Variants in MAP3K15 observed in about 807,000 individuals in gnomAD.
MAP3K15 encodes mitogen-activated protein kinase kinase kinase 15, also known as MAPK/ERK kinase kinase 15.
Under a neutral mutation model 99.5 loss-of-function variants are expected in MAP3K15, and 124 were observed. That is an observed-to-expected ratio of 1.25 (90% CI 1.08 to 1.45). The LOEUF is 1.45. Among genes scored for constraint, MAP3K15 ranks in the 40% most tolerant of loss-of-function variants. The pLI is 0.00. For missense variants in MAP3K15, 1,242 were observed against 1,079.7 expected, an observed-to-expected ratio of 1.15 and a Z score of -2.11; for synonymous variants, 494 against 439.6, an observed-to-expected ratio of 1.12 and a Z score of -1.55.
At chrX:19,487,466 C>CT (rs768062093) in intron 2 of MAP3K15, among the ~76,000 whole-genome samples, 1 of 111,676 alleles carries the variant, frequency 9.0e-6, no homozygotes, top group East Asian at 2.8e-4. Flanking sequence ...TATTCCTAAG[C>CT]ATAGCTACCT....
chrX:19,420,976 TCAA>T (rs1569218899), intron 9 of MAP3K15, among the ~76,000 whole-genome samples: 1 of 111,220 alleles, frequency 9.0e-6, no homozygotes, highest in African/African-American at 3.3e-5. Flanking sequence ...TTGACAAAAT[TCAA>T]CAACGCTTCA....
At chrX:19,448,571 G>A (rs182226615) in intron 6 of MAP3K15, among the ~76,000 whole-genome samples, 29 of 108,380 alleles carry the variant, frequency 2.7e-4, no homozygotes, top group Middle Eastern at 4.8e-3. Flanking sequence ...CCCTGTCCCC[G>A]AAAAAAAATT....
chrX:19,422,593 A>G (rs936959470), intron 9 of MAP3K15, among the ~76,000 whole-genome samples: 3 of 111,796 alleles, frequency 2.7e-5, no homozygotes, highest in Non-Finnish European at 5.6e-5. Flanking sequence ...CTGTAAACTA[A>G]TTCAACCATT....
At chrX:19,449,517 T>C (rs2064023065) in intron 6 of MAP3K15, among the ~76,000 whole-genome samples, 1 of 108,761 alleles carries the variant, frequency 9.2e-6, no homozygotes, top group African/African-American at 3.3e-5. Context: ...GGTTGTTACA[T>C]TGGGTGAGGT....
At chrX:19,390,511 T>C (rs918510529) in intron 18 of MAP3K15, among the ~76,000 whole-genome samples, 15 of 103,334 alleles carry the variant, frequency 1.5e-4, no homozygotes, top group Middle Eastern at 4.8e-3. Flanking sequence ...ACATATATTA[T>C]ATATAATCAT....
At chrX:19,387,310 C>T (rs1297267860) in intron 18 of MAP3K15, among the ~76,000 whole-genome samples, 1 of 112,061 alleles carries the variant, frequency 8.9e-6, no homozygotes, top group African/African-American at 3.2e-5. Context: ...GCTGAAGCTG[C>T]TTGAACTCTG....
intron 13 of MAP3K15, among the ~76,000 whole-genome samples, chrX:19,406,919 T>A (rs1314499752): frequency 8.9e-6 from 1 of 111,910 alleles, no homozygotes; most frequent in Non-Finnish European, 1.9e-5. Context: ...CAGGCTGGTC[T>A]CAAACTCCTA....
intron 5 of MAP3K15, among the ~76,000 whole-genome samples, 187 bp from the exon 6 acceptor site, chrX:19,457,206 A>G (rs954905135): frequency 8.9e-6 from 1 of 111,947 alleles, no homozygotes; most frequent in Non-Finnish European, 1.9e-5. Context: ...GATGGATGAG[A>G]GAGAGAAGAA....
chrX:19,431,912 C>CATGTA (rs2063885910), intron 6 of MAP3K15, among the ~76,000 whole-genome samples: 2 of 107,437 alleles, frequency 1.9e-5, no homozygotes, highest in Non-Finnish European at 3.8e-5. Context: ...CCACTGTACT[C>CATGTA]CAGTCTGGGC....
intron 3 of MAP3K15, among the ~76,000 whole-genome samples, chrX:19,466,292 A>T (rs1467233205): frequency 2.7e-5 from 3 of 111,973 alleles, no homozygotes; most frequent in Admixed American, 9.5e-5. Flanking sequence ...TGATATGGTT[A>T]GGCTTTGTGT....
intron 6 of MAP3K15, among the ~76,000 whole-genome samples, chrX:19,447,859 G>A (rs1191239072): frequency 1.4e-5 from 1 of 72,176 alleles, no homozygotes; most frequent in African/African-American, 4.7e-5. Context: ...ACTCCAGCCT[G>A]GGCGACAGAG....
intron 9 of MAP3K15, among the ~76,000 whole-genome samples, chrX:19,419,170 T>A (rs1295414619): frequency 5.4e-5 from 6 of 111,699 alleles, no homozygotes; most frequent in Non-Finnish European, 1.1e-4. Context: ...AATGACAGAA[T>A]CAAATTCACA....
At position 19,373,708 on chromosome X, in the gene MAP3K15, AG is replaced by A; in HGVS notation, c.2774-14del. Reference sequence around the variant, plus strand: ...CCGCGGGGACCTTCTGTAGGGGGACAGCCAGACACCGAATGGGGAGACTCAG... The same window carrying A: ...CCGCGGGGACCTTCTGTAGGGGGACACCAGACACCGAATGGGGAGACTCAG... On this transcript the variant is annotated splice_polypyrimidine_tract_variant and intron_variant, in intron 20 of 28. Coordinates refer to ENST00000338883, the MANE Select transcript of MAP3K15 (RefSeq NM_001001671.4). 1 of 1,195,141 alleles carries A rather than the reference AG, an allele frequency of 8.4e-7. No individual in the cohort carries two copies. The highest frequency in any genetic ancestry group is 1.1e-6 in the Non-Finnish European group (1 of 892,507).
intron 1 of MAP3K15, among the ~76,000 whole-genome samples, chrX:19,506,307 T>C (rs2064476573): frequency 9.0e-6 from 1 of 111,156 alleles, no homozygotes; most frequent in Admixed American, 9.6e-5. Flanking sequence ...TGACCTCAAG[T>C]GATCCACCCA....
intron 24 of MAP3K15, among the ~76,000 whole-genome samples, chrX:19,369,944 G>A (rs2063362763): frequency 1.8e-5 from 2 of 110,621 alleles, no homozygotes; most frequent in Admixed American, 1.9e-4. Context: ...GAAATAAGTA[G>A]AGCCAGGCTG....
chrX:19,485,272 G>A (rs2064315178), intron 3 of MAP3K15, among the ~76,000 whole-genome samples: 1 of 80,246 alleles, frequency 1.2e-5, no homozygotes, highest in African/African-American at 5.2e-5. Context: ...TCACACCACT[G>A]CACTTCAGCC....
rs1230409748 is a variant in MAP3K15, at chrX:19,380,212, C to T, written c.2497G>A (p.Asp833Asn). ...QGPRGYGAPA[D>N]IWSLGCTIIE... ...ATGGTGCAGCCCAGGGACCAGATAT[C>T]GGCTGGGGCACCATATCCGCGAGGC... Residue 833 changes from aspartate to asparagine, a missense_variant, in exon 19 of 29, where the codon GAT becomes AAT. Coordinates refer to ENST00000338883, the MANE Select transcript of MAP3K15 (RefSeq NM_001001671.4). 4.2e-6 allele frequency: 5 copies of T among 1,203,190 alleles called. No individual in the cohort carries two copies. The highest frequency in any genetic ancestry group is 3.6e-5 in the South Asian group (2 of 55,405).
intron 9 of MAP3K15, among the ~76,000 whole-genome samples, chrX:19,415,700 C>T (rs2063728664): frequency 9.1e-6 from 1 of 109,839 alleles, no homozygotes; most frequent in South Asian, 3.9e-4. Context: ...TGCAGATAAA[C>T]TGTGAAGCCT....
At position 19,372,840 on chromosome X, in the gene MAP3K15, A is replaced by T. The variant is rs904315385; in HGVS notation, c.2934-13T>A. The T allele has an allele frequency of 1.7e-6, 2 of 1,197,067 alleles. No individual in the cohort carries two copies. The highest frequency in any genetic ancestry group is 3.5e-5 in the African/African-American group (2 of 56,718). The stretch of plus-strand genomic sequence containing the variant: ...CTCGTCTGGAACACTGTGGACAAAC[A>T]CGTGTGACAATCTCTGTGCGTGCCG... On this transcript the variant is annotated splice_polypyrimidine_tract_variant and intron_variant, in intron 21 of 28. Transcript: ENST00000338883.
Sources: gnomAD v4.1 joint callset for allele counts (sites outside exome capture counted in the v4.1 genomes callset) on GRCh38, gnomAD v4.1.1 for gene constraint, MANE v1.5 for transcripts, NCBI Gene and HGNC (gene_info 2026-07-23, HGNC 2026-07-21) for gene names.